The following HSPA12B variants were observed in gnomAD, a reference collection of about 807,000 sequenced individuals.
HSPA12B encodes heat shock 70 kDa protein 12B.
In HSPA12B, 54 loss-of-function variants were observed where a neutral mutation model predicts 69.3. That is an observed-to-expected ratio of 0.78 (90% CI 0.63 to 0.98). HSPA12B has a LOEUF of 0.98. Among genes scored for constraint, HSPA12B ranks in the 50% least tolerant of loss-of-function variants. The pLI is 0.00. For synonymous variants in HSPA12B, 441 were observed against 436.5 expected (o/e 1.01, Z -0.13); for missense variants, 929 against 999.8 (o/e 0.93, Z 0.96).
intron 12 of HSPA12B, 127 bp from the exon 13 acceptor site, chr20:3,751,384 C>G: frequency 7.5e-7 from 1 of 1,342,108 alleles, no homozygotes; most frequent in Non-Finnish European, 9.5e-7. Context: ...ACTTTCTAGT[C>G]GCCAGGTAGG....
rs914585571 is a variant in HSPA12B at position 3,745,899 on chromosome 20, C to T, written c.559-16C>T. On this transcript the variant is annotated splice_polypyrimidine_tract_variant and intron_variant, in intron 6 of 12. Transcript: ENST00000254963. The surrounding 1 kb of genome is among the most constrained non-coding windows in gnomAD (Gnocchi z 5.6). ...CTCCAAGCCAGCTTTCCTCTCACTG[C>T]CCCCTCCTGTACCAGGAGCTGAGGG... 1.2e-6 allele frequency: 2 copies of T among 1,603,384 alleles called. No homozygotes were observed. The highest frequency in any genetic ancestry group is 1.3e-5 in the African/African-American group (1 of 74,756).
rs1009929837 is a variant in HSPA12B at position 3,737,454 on chromosome 20, A to G, written c.-17-1204A>G. On this transcript the variant is annotated intron_variant, in intron 1 of 12. Transcript: ENST00000254963. The surrounding 1 kb of genome is among the most constrained non-coding windows in gnomAD (Gnocchi z 4.1). The stretch of plus-strand genomic sequence containing the variant: ...AGCCTGGGCAACAGAGTGAAACTCC[A>G]TCTTAAGAAAAGAAGTTCTAGCTCA... Among the ~76,000 whole-genome samples, 2 of 151,538 alleles carry G rather than the reference A, an allele frequency of 1.3e-5. No individual in the cohort carries two copies. Among genetic ancestry groups the G allele is most frequent in the African/African-American group, 2.4e-5 (1 of 41,242 alleles).
Position 3,745,368 on chromosome 20 carries a change from C to A in HSPA12B, c.454-125C>A, listed in dbSNP as rs998454538. 2 of 743,600 alleles carry A rather than the reference C, an allele frequency of 2.7e-6. No homozygotes were observed. Among genetic ancestry groups the A allele is most frequent in the African/African-American group, 3.5e-5 (2 of 57,900 alleles). The allele number at this position is 743,600 out of a possible 1,614,324, so 46.1% of individuals were successfully genotyped here. On this transcript the variant is annotated intron_variant, in intron 5 of 12. Coordinates refer to ENST00000254963, the MANE Select transcript of HSPA12B (RefSeq NM_052970.5). This position sits in a 1 kb window ranked among gnomAD's most constrained non-coding sequence, Gnocchi z 5.6. ...GGGGCAGAGCTAATGTCACATGGGG[C>A]AAGAGTGGGACGGTGGTAAAGAGGA...
At chr20:3,747,386 A>G (rs1382338022) in intron 7 of HSPA12B, among the ~76,000 whole-genome samples, 1 of 152,164 alleles carries the variant, frequency 6.6e-6, no homozygotes, top group Non-Finnish European at 1.5e-5. Context: ...GGACGGAAGC[A>G]AGGCTGTCCC....
At chr20:3,748,943 T>C (rs1303829432) in intron 8 of HSPA12B, among the ~76,000 whole-genome samples, 2 of 152,164 alleles carry the variant, frequency 1.3e-5, no homozygotes, top group African/African-American at 2.4e-5. Flanking sequence ...TCCAAAGACC[T>C]ACCTGCCTCC....
chr20:3,742,268 A>C lies in HSPA12B; in HGVS notation c.142-16A>C. 1 of 1,611,494 alleles carries C rather than the reference A, an allele frequency of 6.2e-7. No individual in the cohort carries two copies. On this transcript the variant is annotated splice_polypyrimidine_tract_variant and intron_variant, in intron 3 of 12. Coordinates refer to ENST00000254963, the MANE Select transcript of HSPA12B (RefSeq NM_052970.5). ...CCCTGCTGGCTGCTTGCTAATTCTAAGTCTTGCACTTGCAGAAACCCGAGG... is the reference window on the plus strand; with the variant it reads ...CCCTGCTGGCTGCTTGCTAATTCTACGTCTTGCACTTGCAGAAACCCGAGG...
At position 3,750,159 on chromosome 20, in the gene HSPA12B, C is replaced by G. The variant is rs1391298169; in HGVS notation, c.1233C>G (p.Pro411=). The part of the protein sequence containing the change: ...HRAGALNISL[P]FSFIDFYRKQ... ...CAGGGGCGCTCAACATCTCGCTGCC[C>G]TTCTCCTTCATTGACTTCTACCGCA... The change falls in exon 11 of 13, where the codon CCC becomes CCG. Residue 411 remains proline, a synonymous_variant. Transcript: ENST00000254963. 1.9e-6 allele frequency: 3 copies of G among 1,611,636 alleles called. No individual in the cohort carries two copies. The highest frequency in any genetic ancestry group is 2.5e-6 in the Non-Finnish European group (3 of 1,179,216).
chr20:3,751,293 G>C (rs150942631), intron 12 of HSPA12B: 349 of 985,488 alleles, frequency 3.5e-4, no homozygotes, highest in Non-Finnish European at 4.1e-4. Context: ...CGTGGTGGGA[G>C]AGAAGTGGGG....
At chr20:3,747,677 CT>C (rs1219535323) in intron 7 of HSPA12B, among the ~76,000 whole-genome samples, 1 of 152,246 alleles carries the variant, frequency 6.6e-6, no homozygotes, top group African/African-American at 2.4e-5. Context: ...AGCTTCCTCC[CT>C]GCTGTATCAG....
intron 2 of HSPA12B, among the ~76,000 whole-genome samples, chr20:3,739,890 C>A (rs1479057058): frequency 3.3e-5 from 5 of 152,182 alleles, no homozygotes; most frequent in Non-Finnish European, 7.4e-5. Context: ...CCCTAGCCAG[C>A]CTCCCTGGCC....
At chr20:3,741,401 G>C (rs1057122299) in intron 3 of HSPA12B, among the ~76,000 whole-genome samples, 1 of 152,184 alleles carries the variant, frequency 6.6e-6, no homozygotes, top group African/African-American at 2.4e-5. Flanking sequence ...GGAGGCCGAG[G>C]TGGGCAGATT....
intron 12 of HSPA12B, 61 bp downstream of exon 12, chr20:3,750,968 T>TC (rs913043484): frequency 1.8e-5 from 26 of 1,406,924 alleles, no homozygotes; most frequent in Admixed American, 3.4e-5. Flanking sequence ...GCAGAATAAT[T>TC]CCCCCCCATC....
At position 3,751,921 on chromosome 20, in the gene HSPA12B, A is replaced by G. The variant is rs781635622; in HGVS notation, c.1816A>G (p.Ile606Val). The change falls in exon 13 of 13, where the codon ATC becomes GTC. Residue 606 changes from isoleucine to valine, a missense_variant. Transcript: ENST00000254963. ...PARPGQRRVL[I>V]NLYCCAAEDA... ...GCGTCCCGGCCAGCGGCGCGTACTC[A>G]TCAACCTGTACTGCTGCGCGGCAGA... 3.8e-6 allele frequency: 6 copies of G among 1,586,224 alleles called. No individual in the cohort carries two copies. The highest frequency in any genetic ancestry group is 5.1e-6 in the Non-Finnish European group (6 of 1,171,430).
intron 1 of HSPA12B, among the ~76,000 whole-genome samples, chr20:3,734,737 A>ATTTTTT (rs35209985): frequency 1.7e-5 from 2 of 120,310 alleles, no homozygotes; most frequent in Non-Finnish European, 1.7e-5. Flanking sequence ...CTTTAACACA[A>ATTTTTT]TTTTTTTTTT....
rs778643540 is a variant in HSPA12B, at chr20:3,740,886, GC to G, written c.121del (p.Leu41SerfsTer47). On this transcript the variant is annotated frameshift_variant, in exon 3 of 13. Coordinates refer to ENST00000254963, the MANE Select transcript of HSPA12B (RefSeq NM_052970.5). LOFTEE classifies it high-confidence loss of function. The surrounding 1 kb of genome is among the most constrained non-coding windows in gnomAD (Gnocchi z 4.9). ...SPRTQESCGI[A>X]PLTPSQSPKP... ...GAGGACCCAGGAAAGCTGCGGCATTGCCCCCCTCACACCCTCGCAGTCTCCA... is the reference window on the plus strand; with the variant it reads ...GAGGACCCAGGAAAGCTGCGGCATTGCCCCCTCACACCCTCGCAGTCTCCA... The G allele has an allele frequency of 2.5e-6, 4 of 1,613,536 alleles. No individual in the cohort carries two copies. The highest frequency in any genetic ancestry group is 2.2e-5 in the South Asian group (2 of 91,006).
In HSPA12B at chr20:3,745,362, A is replaced by G. The variant is rs2088280353; in HGVS notation, c.454-131A>G. ...GGGGTCGGGGCAGAGCTAATGTCAC[A>G]TGGGGCAAGAGTGGGACGGTGGTAA... On this transcript the variant is annotated intron_variant, in intron 5 of 12. Transcript: ENST00000254963. The surrounding 1 kb of genome is among the most constrained non-coding windows in gnomAD (Gnocchi z 5.6). 6 of 725,332 alleles carry G rather than the reference A, an allele frequency of 8.3e-6. No individual in the cohort carries two copies. The highest frequency in any genetic ancestry group is 1.7e-5 in the South Asian group (1 of 60,572). The allele number at this position is 725,332 out of a possible 1,614,324, so 44.9% of individuals were successfully genotyped here. A position where few individuals can be genotyped will look rare whatever the true frequency, so the allele number is the denominator to read the frequency against.
intron 4 of HSPA12B, among the ~76,000 whole-genome samples, chr20:3,742,685 A>T (rs965009507): frequency 6.6e-6 from 1 of 150,802 alleles, no homozygotes; most frequent in African/African-American, 2.5e-5. Flanking sequence ...AAAATATGCA[A>T]ATGTTTTTTA....
rs947622545 is a variant in HSPA12B at position 3,745,606 on chromosome 20, C to T, written c.558+9C>T. The T allele has an allele frequency of 3.1e-6, 5 of 1,609,918 alleles. No homozygotes were observed. The highest frequency in any genetic ancestry group is 2.2e-5 in the East Asian group (1 of 44,856). ...GGGAGCACGCCCTTCAGGTGCGCTGCGGCCCCACCTCTGCCGACTGTGGCA... is the reference window on the plus strand; with the variant it reads ...GGGAGCACGCCCTTCAGGTGCGCTGTGGCCCCACCTCTGCCGACTGTGGCA... On this transcript the variant is annotated intron_variant, in intron 6 of 12. Coordinates refer to ENST00000254963, the MANE Select transcript of HSPA12B (RefSeq NM_052970.5). This position sits in a 1 kb window ranked among gnomAD's most constrained non-coding sequence, Gnocchi z 5.6.
chr20:3,750,745 A>T, intron 11 of HSPA12B, 59 bp from the exon 12 acceptor site: 2 of 1,611,114 alleles, frequency 1.2e-6, no homozygotes, highest in Admixed American at 3.3e-5. Context: ...ACGGACCCCA[A>T]ACTGGGGCAA....
Sources: gnomAD v4.1 joint callset for allele counts (sites outside exome capture counted in the v4.1 genomes callset) on GRCh38, gnomAD v4.1.1 for gene constraint, Gnocchi (gnomAD v3.1) non-coding constraint, MANE v1.5 for transcripts, NCBI Gene and HGNC (gene_info 2026-07-23, HGNC 2026-07-21) for gene names.